LRRC4C: variants seen among roughly 807,000 people sequenced by gnomAD.
LRRC4C encodes leucine rich repeat containing 4C.
Under a neutral mutation model 33.6 loss-of-function variants are expected in LRRC4C, and 5 were observed. That is an observed-to-expected ratio of 0.15 (90% CI 0.08 to 0.31). LRRC4C has a LOEUF of 0.31. LRRC4C is among the 10% of genes least tolerant of loss of function. The probability of loss-of-function intolerance (pLI) is 1.00; values close to 1 mark genes in which losing one functional copy is unlikely to be tolerated. For missense variants in LRRC4C, 560 were observed against 796.7 expected (o/e 0.70, Z 3.58); for synonymous variants, 329 against 302.0 (o/e 1.09, Z -0.93).
chr11:40,211,143 T>C (rs1482626986), intron 5 of LRRC4C, among the ~76,000 whole-genome samples: 5 of 152,196 alleles, frequency 3.3e-5, no homozygotes, highest in Admixed American at 3.3e-4. Context: ...TATCTTGCAG[T>C]ACTTTACTTA....
chr11:40,114,328 C>T lies in LRRC4C; in HGVS notation c.*42G>A, dbSNP rs1564996984. ...ATTTGTGTCATTTTTAATAAACTGT[C>T]TTTTTTTTTGATTGTTTGTTTTTTG... is the stretch of plus-strand genomic sequence containing the variant. On this transcript the variant is annotated 3_prime_UTR_variant, in exon 7 of 7. Coordinates refer to ENST00000528697, the MANE Select transcript of LRRC4C (RefSeq NM_001258419.2). 6.7e-7 allele frequency: 1 copy of T among 1,494,788 alleles called. No individual in the cohort carries two copies. The highest frequency in any genetic ancestry group is 2.3e-5 in the Admixed American group (1 of 43,924). The allele number at this position is 1,494,788 out of a possible 1,614,324, so 92.6% of individuals were successfully genotyped here.
At position 40,115,328 on chromosome 11, in the gene LRRC4C, G is replaced by A. The variant is rs202082491; in HGVS notation, c.965C>T (p.Ser322Leu). 6.6e-5 allele frequency: 106 copies of A among 1,614,142 alleles called. No homozygotes were observed. The Admixed American group carries it at 1.3e-3, about 19-fold the overall frequency. Residue 322 changes from serine (S) to leucine (L), a missense_variant, in exon 7 of 7, where the codon TCG becomes TTG. By Grantham distance (145) the Ser-to-Leu change is moderately radical (BLOSUM62 -2). Coordinates refer to ENST00000528697, the MANE Select transcript of LRRC4C (RefSeq NM_001258419.2). The surrounding 1 kb of genome is among the most constrained non-coding windows in gnomAD (Gnocchi z 6.7). ...LSWWIKDMAPSNTACCARCNT... is the reference protein window; with the variant it reads ...LSWWIKDMAPLNTACCARCNT... Reference sequence around the variant, plus strand: ...ACACCGGGCACAACAAGCTGTGTTCGAGGGGGCCATGTCTTTTATCCACCA... The same window carrying A: ...ACACCGGGCACAACAAGCTGTGTTCAAGGGGGCCATGTCTTTTATCCACCA...
At chr11:40,247,947 T>C (rs1866480206) in intron 4 of LRRC4C, among the ~76,000 whole-genome samples, 1 of 152,070 alleles carries the variant, frequency 6.6e-6, no homozygotes, top group South Asian at 2.1e-4. Context: ...TCTAAGGAGG[T>C]TTTATATATG....
At chr11:41,207,305 C>A (rs2136294993) in intron 1 of LRRC4C, among the ~76,000 whole-genome samples, 1 of 152,104 alleles carries the variant, frequency 6.6e-6, no homozygotes, top group Admixed American at 6.5e-5. Context: ...TTTAAAAGTT[C>A]CTCTCTCCCT....
Position 40,257,457 on chromosome 11 carries a change from T to C in LRRC4C, c.-175-15859A>G, listed in dbSNP as rs1260746621. 5.9e-5 allele frequency among the ~76,000 whole-genome samples: 9 copies of C among 152,260 alleles called. No individual in the cohort carries two copies. The East Asian group carries it at 1.5e-3, about 26-fold the overall frequency. On this transcript the variant is annotated intron_variant, in intron 4 of 6. Transcript: ENST00000528697. Reference sequence around the variant, plus strand: ...TTGTCTTTATTCCCATTATTTCTAGTTCCCAAGTAAACCGGAGTTTCATTC... The same window carrying C: ...TTGTCTTTATTCCCATTATTTCTAGCTCCCAAGTAAACCGGAGTTTCATTC...
chr11:41,248,054 C>G (rs74527744), intron 1 of LRRC4C, among the ~76,000 whole-genome samples: 2,869 of 152,088 alleles, frequency 0.019, 92 homozygotes, highest in African/African-American at 0.066. Context: ...AAAGGCAAAG[C>G]GAAAAGAGGG....
At chr11:40,857,654 C>T (rs1036663450) in intron 2 of LRRC4C, among the ~76,000 whole-genome samples, 1 of 152,142 alleles carries the variant, frequency 6.6e-6, no homozygotes, top group African/African-American at 2.4e-5. Flanking sequence ...GTGGTTCATG[C>T]CCATAATCCT....
chr11:40,486,371 C>T (rs1953865743), intron 3 of LRRC4C, among the ~76,000 whole-genome samples: 1 of 151,726 alleles, frequency 6.6e-6, no homozygotes, highest in Non-Finnish European at 1.5e-5. Flanking sequence ...AAACATAAGA[C>T]AAATTAAAAG....
intron 1 of LRRC4C, among the ~76,000 whole-genome samples, chr11:41,277,831 T>A (rs531463940): frequency 4.6e-4 from 70 of 152,230 alleles, no homozygotes; most frequent in Admixed American, 1.2e-3. Context: ...ACTTGAAATG[T>A]TCCCAGCAGT....
At chr11:40,159,709 T>C (rs997972924) in intron 5 of LRRC4C, among the ~76,000 whole-genome samples, 1 of 152,202 alleles carries the variant, frequency 6.6e-6, no homozygotes, top group East Asian at 1.9e-4. Context: ...TTCTCACACA[T>C]CTTTCTTCAC....
chr11:40,992,128 C>T (rs1362273790), intron 1 of LRRC4C, among the ~76,000 whole-genome samples: 1 of 152,154 alleles, frequency 6.6e-6, no homozygotes, highest in Non-Finnish European at 1.5e-5. Flanking sequence ...AAAATGTTGT[C>T]CTTCCCTTCA....
intron 3 of LRRC4C, among the ~76,000 whole-genome samples, chr11:40,465,916 G>A (rs1237198074): frequency 6.6e-6 from 1 of 151,962 alleles, no homozygotes; most frequent in East Asian, 1.9e-4. Context: ...CAGCAATTCC[G>A]CTATTGGGTA....
chr11:41,402,693 A>C (rs909484341), intron 1 of LRRC4C, among the ~76,000 whole-genome samples: 3 of 152,068 alleles, frequency 2.0e-5, no homozygotes, highest in Non-Finnish European at 4.4e-5. Context: ...TTATAATAAT[A>C]TTTAGAAAGG....
At chr11:40,561,789 C>T (rs932059529) in intron 3 of LRRC4C, among the ~76,000 whole-genome samples, 11 of 151,992 alleles carry the variant, frequency 7.2e-5, no homozygotes, top group African/African-American at 2.4e-4. Flanking sequence ...CAAATTCACT[C>T]GTACAGAATT....
intron 3 of LRRC4C, among the ~76,000 whole-genome samples, chr11:40,584,392 C>T (rs1196145608): frequency 6.6e-6 from 1 of 151,552 alleles, no homozygotes. Context: ...TTGAGAATCA[C>T]TGGTGTGGAG....
At chr11:40,475,746 A>G (rs1321349579) in intron 3 of LRRC4C, among the ~76,000 whole-genome samples, 1 of 152,164 alleles carries the variant, frequency 6.6e-6, no homozygotes, top group Non-Finnish European at 1.5e-5. Flanking sequence ...CAAAATTGTT[A>G]GAGAAACTAT....
intron 2 of LRRC4C, among the ~76,000 whole-genome samples, chr11:40,851,912 T>G (rs1377689132): frequency 6.6e-6 from 1 of 152,228 alleles, no homozygotes; most frequent in African/African-American, 2.4e-5. Context: ...TTTTAGTTTT[T>G]AATCAGTATT....
At position 40,561,139 on chromosome 11, in the gene LRRC4C, G is replaced by A. The variant is rs12279402; in HGVS notation, c.-270+87003C>T. ...AATGTGTCTTCCTTCTGCGTTCCCCGGGTTGCTCAGCACAATGCTAATCAC... is the reference window on the plus strand; with the variant it reads ...AATGTGTCTTCCTTCTGCGTTCCCCAGGTTGCTCAGCACAATGCTAATCAC... On this transcript the variant is annotated intron_variant, in intron 3 of 6. Transcript: ENST00000528697. Among the ~76,000 whole-genome samples the A allele has an allele frequency of 6.6e-3, 1,011 of 152,150 alleles. 15 individuals are homozygous for A. The highest frequency in any genetic ancestry group is 0.023 in the African/African-American group (969 of 41,502).
At chr11:41,230,015 C>G (rs1409837782) in intron 1 of LRRC4C, among the ~76,000 whole-genome samples, 1 of 151,898 alleles carries the variant, frequency 6.6e-6, no homozygotes, top group Admixed American at 6.6e-5. Context: ...CTTTCTATTT[C>G]ATTATGCCAT....
Sources: gnomAD v4.1 joint callset for allele counts (sites outside exome capture counted in the v4.1 genomes callset) on GRCh38, gnomAD v4.1.1 for gene constraint, Gnocchi (gnomAD v3.1) non-coding constraint, MANE v1.5 for transcripts, NCBI Gene and HGNC (gene_info 2026-07-23, HGNC 2026-07-21) for gene names.